The following SHISA9 variants were observed in gnomAD, a reference collection of about 807,000 sequenced individuals.
SHISA9 encodes protein shisa-9.
Under a neutral mutation model 38.0 loss-of-function variants are expected in SHISA9, and 13 were observed. The observed-to-expected ratio is 0.34, with a 90% CI of 0.22 to 0.54. The LOEUF is 0.54. Among genes scored for constraint, SHISA9 ranks in the 20% least tolerant of loss-of-function variants. SHISA9 has a pLI of 0.91. For synonymous variants in SHISA9, 275 were observed against 242.0 expected (o/e 1.14, Z -1.27); for missense variants, 538 against 575.8 (o/e 0.93, Z 0.67).
At chr16:13,330,333 T>G in the SHISA9 span, among the ~76,000 whole-genome samples, 16,540 of 152,272 alleles carry the variant, frequency 0.11, 1,127 homozygotes, top group East Asian at 0.29. Flanking sequence ...TAGATTTTCA[T>G]GTATCTATTT....
chr16:13,463,177 C>G, the SHISA9 span, among the ~76,000 whole-genome samples: 1 of 151,902 alleles, frequency 6.6e-6, no homozygotes, highest in African/African-American at 2.4e-5. Context: ...AAACAAAAAA[C>G]CCTGCAGTGT....
At chr16:13,437,489 C>T in the SHISA9 span, among the ~76,000 whole-genome samples, 1 of 151,984 alleles carries the variant, frequency 6.6e-6, no homozygotes, top group Non-Finnish European at 1.5e-5. Context: ...GAGAGGTGAC[C>T]CCTTTTGCCC....
At chr16:13,448,837 C>T in the SHISA9 span, among the ~76,000 whole-genome samples, 1 of 152,176 alleles carries the variant, frequency 6.6e-6, no homozygotes, top group African/African-American at 2.4e-5. Flanking sequence ...GTGTGTGGCT[C>T]CGTGGGTGCC....
chr16:12,912,022 C>T (rs981293650), intron 1 of SHISA9, among the ~76,000 whole-genome samples: 5 of 152,248 alleles, frequency 3.3e-5, no homozygotes, highest in Non-Finnish European at 7.3e-5. Flanking sequence ...CACATCCCAG[C>T]GACGGGACTG....
At chr16:13,041,514 C>T (rs2073131928) in intron 2 of SHISA9, among the ~76,000 whole-genome samples, 1 of 152,210 alleles carries the variant, frequency 6.6e-6, no homozygotes, top group Non-Finnish European at 1.5e-5. Context: ...AGACTGCTTT[C>T]TATTCCTACC....
rs1341538297 is a variant in SHISA9, at chr16:13,177,710, C to T, written c.692-25684C>T. ...GTTGAGACAGAGTCTTACTCTGTCG[C>T]CCAGGCTAGAGTGCAATGGCGCAGT... On this transcript the variant is annotated intron_variant, in intron 2 of 4. Transcript: ENST00000558583. 2.6e-5 allele frequency among the ~76,000 whole-genome samples: 4 copies of T among 152,154 alleles called. No homozygotes were observed. In the East Asian group the frequency reaches 7.7e-4, roughly 29 times the overall value.
the SHISA9 span, among the ~76,000 whole-genome samples, chr16:13,414,109 G>T: frequency 2.0e-5 from 3 of 152,118 alleles, no homozygotes; most frequent in Non-Finnish European, 4.4e-5. Context: ...TTTCATGGTT[G>T]GGAAATCACA....
At chr16:13,060,337 A>G (rs1440657202) in intron 2 of SHISA9, among the ~76,000 whole-genome samples, 3 of 152,156 alleles carry the variant, frequency 2.0e-5, no homozygotes, top group Admixed American at 6.6e-5. Context: ...CTTTGGAAGG[A>G]GCAGACTGGG....
At chr16:13,446,944 C>T in the SHISA9 span, among the ~76,000 whole-genome samples, 3 of 149,252 alleles carry the variant, frequency 2.0e-5, no homozygotes, top group African/African-American at 7.4e-5. Flanking sequence ...CTTGCCACTG[C>T]ACTCCAGCCT....
the SHISA9 span, among the ~76,000 whole-genome samples, chr16:13,559,049 A>G: frequency 2.6e-5 from 4 of 152,232 alleles, no homozygotes; most frequent in Non-Finnish European, 5.9e-5. Context: ...CCCCACCACA[A>G]TGTAAGCTCC....
chr16:13,220,359 T>C lies in SHISA9; in HGVS notation c.895+7059T>C, dbSNP rs929746134. 5.3e-5 allele frequency among the ~76,000 whole-genome samples: 8 copies of C among 152,242 alleles called. No homozygotes were observed. In the East Asian group the frequency reaches 1.5e-3, roughly 29 times the overall value. On this transcript the variant is annotated intron_variant, in intron 4 of 4. Transcript: ENST00000558583. ...GGTGGGAGAGGTGCAAGAGAGAAAT[T>C]CAAACCAGCAAGCACTTCTCCAAAT...
the SHISA9 span, among the ~76,000 whole-genome samples, chr16:13,557,715 A>G: frequency 2.7e-4 from 41 of 152,250 alleles, 1 homozygote; most frequent in African/African-American, 9.9e-4. Context: ...TTTTGCAACA[A>G]GAAAGAGCCT....
At chr16:13,532,047 G>T in the SHISA9 span, among the ~76,000 whole-genome samples, 4 of 152,184 alleles carry the variant, frequency 2.6e-5, no homozygotes, top group Non-Finnish European at 5.9e-5. Context: ...CCCCTCTAAG[G>T]AGTCTGATGA....
At chr16:13,038,032 C>A (rs967387383) in intron 2 of SHISA9, among the ~76,000 whole-genome samples, 2 of 152,148 alleles carry the variant, frequency 1.3e-5, no homozygotes, top group African/African-American at 4.8e-5. Context: ...GCTCTGTCAC[C>A]CAGGCTGGCG....
chr16:13,508,875 T>C, the SHISA9 span, among the ~76,000 whole-genome samples: 1,542 of 152,294 alleles, frequency 0.01, 15 homozygotes, highest in Non-Finnish European at 0.017. Flanking sequence ...ATTCCAATCA[T>C]CCTGAAGGGG....
intron 2 of SHISA9, among the ~76,000 whole-genome samples, chr16:13,149,572 T>G (rs1247636927): frequency 6.6e-6 from 1 of 152,122 alleles, no homozygotes; most frequent in African/African-American, 2.4e-5. Flanking sequence ...CGGATTACAT[T>G]GCATCTCTGA....
chr16:13,334,999 T>C, the SHISA9 span, among the ~76,000 whole-genome samples: 1 of 152,136 alleles, frequency 6.6e-6, no homozygotes, highest in East Asian at 1.9e-4. Flanking sequence ...TACCTTTGGT[T>C]CTGGTAACTT....
chr16:13,364,956 C>G, the SHISA9 span, among the ~76,000 whole-genome samples: 1 of 152,120 alleles, frequency 6.6e-6, no homozygotes, highest in Non-Finnish European at 1.5e-5. Context: ...CAAGACCTTG[C>G]ATTTCCATTG....
the SHISA9 span, among the ~76,000 whole-genome samples, chr16:13,469,336 A>G: frequency 7.9e-6 from 1 of 126,880 alleles, no homozygotes; most frequent in African/African-American, 3.0e-5. Flanking sequence ...GAAAGAAAGA[A>G]AGAAAGAAAG....
Sources: allele counts gnomAD v4.1 joint callset (sites outside exome capture counted in the v4.1 genomes callset), GRCh38; gene constraint gnomAD v4.1.1; transcripts MANE v1.5; gene names NCBI Gene and HGNC (gene_info 2026-07-23, HGNC 2026-07-21).